LAPTM4B: variants seen among roughly 807,000 people sequenced by gnomAD.
LAPTM4B encodes lysosomal-associated transmembrane protein 4B.
A neutral mutation model predicts 28.5 loss-of-function variants in LAPTM4B; 26 were observed. The observed-to-expected ratio is 0.91, with a 90% confidence interval of 0.67 to 1.27. LAPTM4B has a LOEUF of 1.27. Ranked by LOEUF, LAPTM4B falls within the 50% of genes most tolerant of loss-of-function variation. LAPTM4B has a pLI of 0.00. For synonymous variants in LAPTM4B, 109 were observed against 106.4 expected, an observed-to-expected ratio of 1.02 and a Z score of -0.15; for missense variants, 288 against 285.8, an observed-to-expected ratio of 1.01 and a Z score of -0.06.
chr8:97,805,324 CTTTTTTTTTT>C lies in LAPTM4B; in HGVS notation c.100-20_100-11del. 1.2e-6 allele frequency: 1 copy of C among 840,930 alleles called. No individual in the cohort carries two copies. The highest frequency in any genetic ancestry group is 1.8e-6 in the Non-Finnish European group (1 of 559,312). 52.1% of individuals were successfully genotyped at this position (840,930 alleles called of 1,614,324 possible). A position where few individuals can be genotyped will look rare whatever the true frequency, so the allele number is the denominator to read the frequency against. On this transcript the variant is annotated intron_variant, in intron 1 of 6. Coordinates refer to ENST00000521545, the MANE Select transcript of LAPTM4B (RefSeq NM_018407.6). Reference sequence around the variant, plus strand: ...ATTGCATCCTGGGGTTACTTAAATTCTTTTTTTTTTTTTTTTTTCTTGTTGCAGATCATCA... The same window carrying C: ...ATTGCATCCTGGGGTTACTTAAATTCTTTTTTTTCTTGTTGCAGATCATCA...
chr8:97,785,665 T>C (rs936505646), intron 1 of LAPTM4B, among the ~76,000 whole-genome samples: 11 of 152,216 alleles, frequency 7.2e-5, no homozygotes, highest in Admixed American at 5.9e-4. Context: ...AGTGTACTGA[T>C]ACAAAGTTGT....
chr8:97,820,082 A>T (rs2129801600), intron 5 of LAPTM4B, among the ~76,000 whole-genome samples: 1 of 152,198 alleles, frequency 6.6e-6, no homozygotes, highest in African/African-American at 2.4e-5. Flanking sequence ...AAAGCCTTTG[A>T]TAGGTTGTCA....
rs555978422 is a variant in LAPTM4B at position 97,825,156 on chromosome 8, A to G, written c.603+3A>G. The G allele has an allele frequency of 1.3e-5, 19 of 1,435,126 alleles. No homozygotes were observed. The highest frequency in any genetic ancestry group is 1.1e-4 in the East Asian group (5 of 44,246). 88.9% of individuals were successfully genotyped at this position (1,435,126 alleles called of 1,614,324 possible). A position where few individuals can be genotyped will look rare whatever the true frequency, so the allele number is the denominator to read the frequency against. On this transcript the variant is annotated splice_donor_region_variant and intron_variant, in intron 6 of 6. Coordinates refer to ENST00000521545, the MANE Select transcript of LAPTM4B (RefSeq NM_018407.6). The stretch of plus-strand genomic sequence containing the variant: ...ATGTTACCAGCAATGACACTACGGT[A>G]GGTATGATGTCACTTATGGTAGAGA...
At chr8:97,832,464 A>T (rs563858045) in intron 6 of LAPTM4B, among the ~76,000 whole-genome samples, 1 of 152,268 alleles carries the variant, frequency 6.6e-6, no homozygotes, top group East Asian at 1.9e-4. Context: ...CATTTTTAAG[A>T]TGAGGAAACT....
chr8:97,824,430 A>C (rs1817060376), intron 5 of LAPTM4B, among the ~76,000 whole-genome samples: 1 of 152,238 alleles, frequency 6.6e-6, no homozygotes, highest in Admixed American at 6.5e-5. Flanking sequence ...TGATGGAATG[A>C]AAGTACAGAG....
intron 6 of LAPTM4B, among the ~76,000 whole-genome samples, chr8:97,840,137 A>G (rs1342629165): frequency 1.3e-5 from 2 of 152,218 alleles, no homozygotes; most frequent in Non-Finnish European, 2.9e-5. Context: ...CTTTGATAGG[A>G]TTACCGAGGT....
At chr8:97,833,798 C>T (rs1414957132) in intron 6 of LAPTM4B, among the ~76,000 whole-genome samples, 1 of 152,096 alleles carries the variant, frequency 6.6e-6, no homozygotes, top group African/African-American at 2.4e-5. Context: ...TACTTAATAC[C>T]TAGATTTATT....
At chr8:97,818,634 A>G (rs1383972894) in intron 4 of LAPTM4B, among the ~76,000 whole-genome samples, 2 of 152,234 alleles carry the variant, frequency 1.3e-5, no homozygotes, top group Non-Finnish European at 2.9e-5. Context: ...ATCAACAAAA[A>G]TGCTCTTTGC....
intron 6 of LAPTM4B, among the ~76,000 whole-genome samples, chr8:97,845,886 C>CCCCTT (rs1817425468): frequency 1.1e-5 from 1 of 90,262 alleles, no homozygotes; most frequent in African/African-American, 3.9e-5. Context: ...CCCCTCCCCT[C>CCCCTT]CCCTCCCCTC....
chr8:97,821,638 G>A (rs1817005352), intron 5 of LAPTM4B, among the ~76,000 whole-genome samples: 1 of 151,790 alleles, frequency 6.6e-6, no homozygotes, highest in South Asian at 2.1e-4. Context: ...CTTGAGATAA[G>A]GGAGAACAGG....
chr8:97,777,438 C>T (rs1172303661), intron 1 of LAPTM4B, among the ~76,000 whole-genome samples: 2 of 152,102 alleles, frequency 1.3e-5, no homozygotes, highest in East Asian at 1.9e-4. Context: ...GAGTGAGCCA[C>T]CGCGCCCGGC....
At chr8:97,848,255 C>G (rs1817461982) in intron 6 of LAPTM4B, among the ~76,000 whole-genome samples, 2 of 152,112 alleles carry the variant, frequency 1.3e-5, no homozygotes, top group South Asian at 4.2e-4. Flanking sequence ...GAGCAAGACT[C>G]TCTCGAAACA....
intron 1 of LAPTM4B, among the ~76,000 whole-genome samples, chr8:97,794,214 A>G (rs1816546335): frequency 6.6e-6 from 1 of 152,170 alleles, no homozygotes; most frequent in Non-Finnish European, 1.5e-5. Context: ...TCCTGAGCTC[A>G]GGTGAACCGC....
intron 1 of LAPTM4B, among the ~76,000 whole-genome samples, chr8:97,776,601 C>T (rs998674217): frequency 5.9e-5 from 9 of 152,196 alleles, no homozygotes; most frequent in Non-Finnish European, 1.0e-4. Flanking sequence ...GCCGCGTCTC[C>T]GCTAGGGTGG....
At chr8:97,798,527 G>T (rs1050016856) in intron 1 of LAPTM4B, among the ~76,000 whole-genome samples, 3 of 152,104 alleles carry the variant, frequency 2.0e-5, no homozygotes, top group African/African-American at 4.8e-5. Context: ...ACGGCCTCGC[G>T]AAGAACCAGG....
At position 97,800,899 on chromosome 8, in the gene LAPTM4B, C is replaced by T. The variant is rs113444103; in HGVS notation, c.100-4454C>T. On this transcript the variant is annotated intron_variant, in intron 1 of 6. Coordinates refer to ENST00000521545, the MANE Select transcript of LAPTM4B (RefSeq NM_018407.6). The stretch of plus-strand genomic sequence containing the variant: ...GGCCGGGGCAGGAGGATCACTTGAG[C>T]CTGAGAGTTCAAGACCAGTCTGGGC... 4.7e-4 allele frequency among the ~76,000 whole-genome samples: 72 copies of T among 152,048 alleles called. 1 individual carries two copies. Among genetic ancestry groups the T allele is most frequent in the African/African-American group, 1.7e-3 (71 of 41,462 alleles).
At chr8:97,839,737 GA>G (rs1817316835) in intron 6 of LAPTM4B, among the ~76,000 whole-genome samples, 1 of 152,172 alleles carries the variant, frequency 6.6e-6, no homozygotes, top group Non-Finnish European at 1.5e-5. Flanking sequence ...TTTTCGTTGT[GA>G]ACCATTTTAC....
intron 6 of LAPTM4B, among the ~76,000 whole-genome samples, chr8:97,838,322 T>C (rs745618845): frequency 2.6e-4 from 39 of 152,170 alleles, no homozygotes; most frequent in African/African-American, 3.1e-4. Context: ...CCAGTGAGGG[T>C]TGAGTGACTG....
intron 1 of LAPTM4B, among the ~76,000 whole-genome samples, chr8:97,786,419 C>G (rs377051264): frequency 1.7e-4 from 13 of 77,054 alleles, no homozygotes; most frequent in African/African-American, 6.7e-4. Flanking sequence ...AAAAAAAAAA[C>G]AAGGCCGGGT....
Sources: gnomAD v4.1 joint callset for allele counts (sites outside exome capture counted in the v4.1 genomes callset) on GRCh38, gnomAD v4.1.1 for gene constraint, MANE v1.5 for transcripts, NCBI Gene and HGNC (gene_info 2026-07-23, HGNC 2026-07-21) for gene names.